CDH13: variants seen among roughly 807,000 people sequenced by gnomAD.
CDH13 encodes the protein cadherin-13.
CDH13 carries 24 observed loss-of-function variants against 63.8 expected under a neutral mutation model. That is an observed-to-expected ratio of 0.38 (90% confidence interval 0.27 to 0.53). CDH13 has a LOEUF of 0.53. Among genes scored for constraint, CDH13 ranks in the 20% least tolerant of loss-of-function variants. CDH13 has a pLI of 0.85. For synonymous variants in CDH13, 503 were observed against 355.3 expected, an observed-to-expected ratio of 1.42 and a Z score of -4.67; for missense variants, 1,049 against 903.1, an observed-to-expected ratio of 1.16 and a Z score of -2.07.
intron 8 of CDH13, among the ~76,000 whole-genome samples, chr16:83,670,023 C>T (rs1914363015): frequency 6.6e-6 from 1 of 152,198 alleles, no homozygotes; most frequent in Non-Finnish European, 1.5e-5. Flanking sequence ...ATTTTCACCA[C>T]ACCTACTTGA....
chr16:83,770,822 C>T (rs928200081), intron 11 of CDH13, among the ~76,000 whole-genome samples: 1 of 152,114 alleles, frequency 6.6e-6, no homozygotes, highest in Non-Finnish European at 1.5e-5. Flanking sequence ...GTACTGCAAC[C>T]TGTTTTATCA....
At chr16:83,197,196 C>G (rs1230027885) in intron 4 of CDH13, among the ~76,000 whole-genome samples, 1 of 151,996 alleles carries the variant, frequency 6.6e-6, no homozygotes, top group Admixed American at 6.6e-5. Context: ...AGGTTGCATA[C>G]TATATGATTC....
At chr16:83,703,588 G>A (rs1266741441) in intron 10 of CDH13, among the ~76,000 whole-genome samples, 1 of 152,194 alleles carries the variant, frequency 6.6e-6, no homozygotes, top group Non-Finnish European at 1.5e-5. Flanking sequence ...AAATGTCTAA[G>A]GATAGGAGCG....
chr16:83,473,457 C>T (rs1024437631), intron 6 of CDH13, among the ~76,000 whole-genome samples: 2 of 152,172 alleles, frequency 1.3e-5, no homozygotes, highest in Admixed American at 6.5e-5. Context: ...GCAGTAGTCA[C>T]CAGCACCCTG....
intron 2 of CDH13, among the ~76,000 whole-genome samples, chr16:82,873,427 T>A (rs931719717): frequency 1.3e-5 from 2 of 152,186 alleles, no homozygotes; most frequent in African/African-American, 4.8e-5. Flanking sequence ...GTAGCTGGTG[T>A]TGGAGTCTTC....
Position 83,657,384 on chromosome 16 carries a change from C to G in CDH13, c.1102-13406C>G, listed in dbSNP as rs188836027. ...ACAGGCTGCTGCTTTTCAGGGATCT[C>G]TACTCTGATCCCCTTGGGATAGCTT... On this transcript the variant is annotated intron_variant, in intron 8 of 13. Coordinates refer to ENST00000567109, the MANE Select transcript of CDH13 (RefSeq NM_001257.5). Among the ~76,000 whole-genome samples the G allele has an allele frequency of 4.1e-4, 62 of 152,268 alleles. 1 individual carries two copies. In the East Asian group the frequency reaches 8.7e-3, roughly 21 times the overall value.
intron 4 of CDH13, among the ~76,000 whole-genome samples, chr16:83,147,676 C>G (rs757795389): frequency 6.6e-6 from 1 of 152,096 alleles, no homozygotes; most frequent in Non-Finnish European, 1.5e-5. Context: ...AAAGGGACAA[C>G]TCATTCCTTT....
intron 11 of CDH13, among the ~76,000 whole-genome samples, chr16:83,775,335 T>C (rs1447423900): frequency 6.6e-6 from 1 of 151,778 alleles, no homozygotes; most frequent in African/African-American, 2.4e-5. Context: ...GGCCATGACC[T>C]TCAGCAGATT....
At chr16:82,947,077 C>A (rs1206716472) in intron 2 of CDH13, among the ~76,000 whole-genome samples, 1 of 140,078 alleles carries the variant, frequency 7.1e-6, no homozygotes, top group African/African-American at 2.6e-5. Context: ...AGGCTATCTC[C>A]CTTCCTTATT....
chr16:83,165,781 G>A (rs2037638236), intron 4 of CDH13, among the ~76,000 whole-genome samples: 1 of 152,144 alleles, frequency 6.6e-6, no homozygotes, highest in Admixed American at 6.6e-5. Context: ...GAATTCAGGA[G>A]AGAAGGCAGA....
At chr16:83,205,024 G>A (rs570856617) in intron 4 of CDH13, among the ~76,000 whole-genome samples, 54 of 152,324 alleles carry the variant, frequency 3.5e-4, no homozygotes, top group South Asian at 2.9e-3. Flanking sequence ...ACTGCTGTGT[G>A]CCCAGAAGGA....
At chr16:82,696,003 A>G (rs984456986) in intron 1 of CDH13, among the ~76,000 whole-genome samples, 13 of 152,246 alleles carry the variant, frequency 8.5e-5, no homozygotes, top group Non-Finnish European at 1.3e-4. Flanking sequence ...AGCCTTTCTA[A>G]TGTTTCTCTG....
At chr16:83,519,732 G>T (rs2074785070) in intron 7 of CDH13, among the ~76,000 whole-genome samples, 1 of 152,152 alleles carries the variant, frequency 6.6e-6, no homozygotes, top group South Asian at 2.1e-4. Context: ...AATGGTGCGG[G>T]GAGAGGAAAG....
rs530930852 is a variant in CDH13, at chr16:83,459,745, C to G, written c.782-26732C>G. Among the ~76,000 whole-genome samples the G allele has an allele frequency of 9.6e-4, 146 of 152,252 alleles. No individual in the cohort carries two copies. In the Middle Eastern group the frequency reaches 0.01, roughly 11 times the overall value. On this transcript the variant is annotated intron_variant, in intron 6 of 13. Transcript: ENST00000567109. Reference sequence around the variant, plus strand: ...CAGGAAGAAAAATAACCAAATGACTCAACTGCATAAGGAGGTGAAAGGAAG... The same window carrying G: ...CAGGAAGAAAAATAACCAAATGACTGAACTGCATAAGGAGGTGAAAGGAAG...
At chr16:82,976,044 C>G (rs1055179335) in intron 2 of CDH13, among the ~76,000 whole-genome samples, 2 of 152,108 alleles carry the variant, frequency 1.3e-5, no homozygotes, top group African/African-American at 4.8e-5. Flanking sequence ...GATGAAAGCC[C>G]CTGGTCAGAA....
At position 83,795,336 on chromosome 16, in the gene CDH13, G is replaced by A. The variant is rs186327368; in HGVS notation, c.*306G>A. On this transcript the variant is annotated 3_prime_UTR_variant, in exon 14 of 14. Transcript: ENST00000567109. ...ACTTTTTCTGGTGTGTTAACATGTC[G>A]CTAGCCAGTGCTCCAGGCACCCAGC... 4.0e-5 allele frequency: 15 copies of A among 375,170 alleles called. No individual in the cohort carries two copies. Among genetic ancestry groups the A allele is most frequent in the East Asian group, 2.7e-4 (5 of 18,848 alleles). 23.2% of individuals were successfully genotyped at this position (375,170 alleles called of 1,614,324 possible).
chr16:83,476,715 C>A (rs186780840), intron 6 of CDH13, among the ~76,000 whole-genome samples: 7 of 152,068 alleles, frequency 4.6e-5, no homozygotes, highest in African/African-American at 9.7e-5. Context: ...ACAAAAAAAA[C>A]CACACCGTGT....
chr16:83,093,371 G>A (rs1006635630), intron 3 of CDH13, among the ~76,000 whole-genome samples: 6 of 128,536 alleles, frequency 4.7e-5, no homozygotes, highest in Non-Finnish European at 6.3e-5. Context: ...CTGGAGTGCC[G>A]TGAGTGGCAC....
At chr16:83,310,272 CAAAT>C (rs2089970925) in intron 5 of CDH13, among the ~76,000 whole-genome samples, 1 of 152,046 alleles carries the variant, frequency 6.6e-6, no homozygotes, top group Non-Finnish European at 1.5e-5. Context: ...AGATGCCTGT[CAAAT>C]AAATAGCAGT....
Sources: gnomAD v4.1 joint callset for allele counts (sites outside exome capture counted in the v4.1 genomes callset) on GRCh38, gnomAD v4.1.1 for gene constraint, MANE v1.5 for transcripts, NCBI Gene and HGNC (gene_info 2026-07-23, HGNC 2026-07-21) for gene names.